SCGB2B2: variants seen among roughly 807,000 people sequenced by gnomAD.
SCGB2B2 encodes secretoglobin-like protein.
A neutral mutation model predicts 7.6 loss-of-function variants in SCGB2B2; 11 were observed. The ratio of observed to expected loss-of-function variants is 1.45; its 90% CI spans 0.91 to 2.40. The LOEUF (loss-of-function observed/expected upper bound fraction) is 2.40. SCGB2B2 is among the 30% of genes most tolerant of loss of function. The pLI, the probability that SCGB2B2 is intolerant of heterozygous loss-of-function variation, is 0.00. For missense variants in SCGB2B2, 104 were observed against 115.4 expected, an observed-to-expected ratio of 0.90 and a Z score of 0.45; for synonymous variants, 50 against 48.6, an observed-to-expected ratio of 1.03 and a Z score of -0.12.
At chr19:34,633,019 A>G (rs149668737) in intron 1 of SCGB2B2, 1 of 152,384 alleles carries the variant, frequency 6.6e-6, no homozygotes, top group East Asian at 1.9e-4. Flanking sequence ...AATTATGCAA[A>G]CTAGCTAATC....
At chr19:34,597,644 C>A (rs866505622) in intron 1 of SCGB2B2, among the ~76,000 whole-genome samples, 2 of 152,310 alleles carry the variant, frequency 1.3e-5, no homozygotes, top group South Asian at 2.1e-4. Flanking sequence ...ATGCAGCCAG[C>A]CAGAGGGTGT....
rs967235324 is a variant in SCGB2B2 at position 34,596,579 on chromosome 19, G to C, written c.-2016C>G. The C allele has an allele frequency of 1.3e-5, 2 of 152,818 alleles. No individual in the cohort carries two copies. Among genetic ancestry groups the C allele is most frequent in the African/African-American group, 4.8e-5 (2 of 41,444 alleles). 9.5% of individuals were successfully genotyped at this position (152,818 alleles called of 1,614,324 possible). A position where few individuals can be genotyped will look rare whatever the true frequency, so the allele number is the denominator to read the frequency against. On this transcript the variant is annotated 5_prime_UTR_variant, in exon 2 of 4. Transcript: ENST00000601241. ...GGGCTGTGTGGCTGCCTCTGCCTCT[G>C]CATCTGGGTCTGTGTCTGAGAAAGA...
At chr19:34,593,825 G>A (rs956197943) in intron 3 of SCGB2B2, among the ~76,000 whole-genome samples, 1 of 152,024 alleles carries the variant, frequency 6.6e-6, no homozygotes, top group African/African-American at 2.4e-5. Flanking sequence ...GGGCAGGCAT[G>A]GGGTGTGTGT....
intron 1 of SCGB2B2, among the ~76,000 whole-genome samples, chr19:34,613,188 T>A (rs1250215853): frequency 2.6e-5 from 4 of 152,030 alleles, no homozygotes; most frequent in Non-Finnish European, 5.9e-5. Context: ...AACCTCCACC[T>A]CCTGGGTTCA....
At chr19:34,635,123 G>C in intron 1 of SCGB2B2, 1 of 278,530 alleles carries the variant, frequency 3.6e-6, no homozygotes, top group Admixed American at 3.9e-5. Flanking sequence ...TGAATTCTCT[G>C]GTGTTCAATA....
rs2067914219 is a variant in SCGB2B2 at position 34,675,827 on chromosome 19, AAGCTGC to A, written c.-2235_-2230del. 1 of 153,650 alleles carries A rather than the reference AAGCTGC, an allele frequency of 6.5e-6. No individual in the cohort carries two copies. Among genetic ancestry groups the A allele is most frequent in the African/African-American group, 2.4e-5 (1 of 41,336 alleles). 9.5% of individuals were successfully genotyped at this position (153,650 alleles called of 1,614,324 possible). On this transcript the variant is annotated 5_prime_UTR_variant, in exon 1 of 4. Coordinates refer to ENST00000601241, the MANE Select transcript of SCGB2B2 (RefSeq NM_001025591.4). ...CATGATTTCGCTGGCTTCAGGAGTGAAGCTGCAGACCTTCACAGTGAGTGTTACAGC... is the reference window on the plus strand; with the variant it reads ...CATGATTTCGCTGGCTTCAGGAGTGAAGACCTTCACAGTGAGTGTTACAGC...
chr19:34,620,013 A>T (rs192988349), intron 1 of SCGB2B2, among the ~76,000 whole-genome samples: 3,651 of 151,306 alleles, frequency 0.024, 58 homozygotes, highest in East Asian at 0.068. Context: ...ATTCTTTTTT[A>T]AAAAAAAATA....
At chr19:34,648,530 G>A (rs902146424) in intron 1 of SCGB2B2, among the ~76,000 whole-genome samples, 32 of 152,088 alleles carry the variant, frequency 2.1e-4, no homozygotes, top group African/African-American at 7.2e-4. Flanking sequence ...TCTGTAAGTT[G>A]TCATGAAATT....
chr19:34,664,037 G>C (rs1203520797), intron 1 of SCGB2B2, among the ~76,000 whole-genome samples: 1 of 127,468 alleles, frequency 7.8e-6, no homozygotes, highest in Non-Finnish European at 1.6e-5. Flanking sequence ...GCACGCTGTT[G>C]ACCTCCAGCC....
intron 1 of SCGB2B2, among the ~76,000 whole-genome samples, chr19:34,662,959 CA>C (rs200722278): frequency 3.6e-4 from 53 of 147,732 alleles, no homozygotes; most frequent in African/African-American, 1.2e-3. Flanking sequence ...AACAAACAAA[CA>C]AAAAAAAACA....
intron 1 of SCGB2B2, among the ~76,000 whole-genome samples, chr19:34,637,162 C>A (rs1568437391): frequency 6.6e-6 from 1 of 152,090 alleles, no homozygotes. Context: ...GAATTGGGGG[C>A]AGAGAGGTAC....
At chr19:34,603,553 T>C (rs914257625) in intron 1 of SCGB2B2, among the ~76,000 whole-genome samples, 2 of 152,152 alleles carry the variant, frequency 1.3e-5, no homozygotes, top group African/African-American at 4.8e-5. Context: ...GCATTTCTCA[T>C]TGATCTAAGT....
downstream of SCGB2B2, among the ~76,000 whole-genome samples, chr19:34,587,853 C>T (rs929683946): frequency 6.6e-6 from 1 of 152,172 alleles, no homozygotes; most frequent in Non-Finnish European, 1.5e-5. Flanking sequence ...GTGTCAGGAA[C>T]CATCCTTGCA....
intron 1 of SCGB2B2, among the ~76,000 whole-genome samples, chr19:34,674,722 G>T (rs2067879995): frequency 6.6e-6 from 1 of 152,162 alleles, no homozygotes; most frequent in South Asian, 2.1e-4. Context: ...TATGGGAGAG[G>T]AAGAGTTTGC....
intron 1 of SCGB2B2, among the ~76,000 whole-genome samples, chr19:34,631,321 A>T (rs1207870612): frequency 2.7e-5 from 4 of 146,412 alleles, no homozygotes; most frequent in African/African-American, 5.1e-5. Flanking sequence ...TTTTTTTACA[A>T]TTTTTTTTTT....
intron 1 of SCGB2B2, chr19:34,637,825 T>C (rs2066728437): frequency 6.6e-6 from 1 of 152,212 alleles, no homozygotes. Flanking sequence ...CGATGGGCTA[T>C]TTAAAAATTG....
At chr19:34,603,478 T>C (rs183737841) in intron 1 of SCGB2B2, among the ~76,000 whole-genome samples, 1 of 152,324 alleles carries the variant, frequency 6.6e-6, no homozygotes, top group East Asian at 1.9e-4. Context: ...CACCACTCAC[T>C]GCCCTCCCAA....
At chr19:34,605,687 A>G (rs1394868226) in intron 1 of SCGB2B2, among the ~76,000 whole-genome samples, 1 of 152,162 alleles carries the variant, frequency 6.6e-6, no homozygotes, top group African/African-American at 2.4e-5. Flanking sequence ...TTCCAGGTTC[A>G]AGCAATTCTC....
rs1304018953 is a variant in SCGB2B2, at chr19:34,676,282, C to G, written c.-2684G>C. On this transcript the variant is annotated 5_prime_UTR_variant, in exon 1 of 4. Coordinates refer to ENST00000601241, the MANE Select transcript of SCGB2B2 (RefSeq NM_001025591.4). ...GGCCCCACCTGATCCAGAAGCCCAG[C>G]TGGCTTCACCTCTCGGTTATATGCT... is the stretch of plus-strand genomic sequence containing the variant. 6.6e-6 allele frequency: 1 copy of G among 152,238 alleles called. No homozygotes were observed. The highest frequency in any genetic ancestry group is 1.5e-5 in the Non-Finnish European group (1 of 68,066). 9.4% of individuals were successfully genotyped at this position (152,238 alleles called of 1,614,324 possible). A position where few individuals can be genotyped will look rare whatever the true frequency, so the allele number is the denominator to read the frequency against.
Sources: gnomAD v4.1 joint callset for allele counts (sites outside exome capture counted in the v4.1 genomes callset) on GRCh38, gnomAD v4.1.1 for gene constraint, MANE v1.5 for transcripts, NCBI Gene and HGNC (gene_info 2026-07-23, HGNC 2026-07-21) for gene names.